The following F11 variants were observed in gnomAD, a reference collection of about 807,000 sequenced individuals.
The protein encoded by F11 is coagulation factor XI.
Under a neutral mutation model 76.5 loss-of-function variants are expected in F11, and 78 were observed. The ratio of observed to expected loss-of-function variants is 1.02; its 90% confidence interval spans 0.85 to 1.23. The LOEUF is 1.23. Ranked by LOEUF, F11 falls within the 50% of genes most tolerant of loss-of-function variation. The pLI, the probability that F11 is intolerant of heterozygous loss-of-function variation, is 0.00. For missense variants in F11, 742 were observed against 771.4 expected, an observed-to-expected ratio of 0.96 and a Z score of 0.45; for synonymous variants, 278 against 276.3, an observed-to-expected ratio of 1.01 and a Z score of -0.06.
At chr4:186,275,003 C>A in intron 5 of F11, 1 of 257,468 alleles carries the variant, frequency 3.9e-6, no homozygotes, top group South Asian at 4.1e-5. Context: ...GCAAACAAAG[C>A]ATCAACGAGT....
chr4:186,268,637 A>G (rs528336232), intron 2 of F11, among the ~76,000 whole-genome samples: 1 of 152,284 alleles, frequency 6.6e-6, no homozygotes, highest in Non-Finnish European at 1.5e-5. Context: ...TAGAATAATA[A>G]TAAAAAGGGA....
chr4:186,266,778 T>A (rs1218180972), intron 1 of F11, among the ~76,000 whole-genome samples: 1 of 151,796 alleles, frequency 6.6e-6, no homozygotes, highest in African/African-American at 2.4e-5. Context: ...GGAAAAAAAT[T>A]GGGAAAGGAA....
Position 186,289,575 on chromosome 4 carries a change from A to C in F11, c.*961A>C, listed in dbSNP as rs1347821623. On this transcript the variant is annotated 3_prime_UTR_variant, in exon 15 of 15. Coordinates refer to ENST00000403665, the MANE Select transcript of F11 (RefSeq NM_000128.4). ...AGCACTGGGATTTTCTGTTTCGTGC[A>C]AATATTTATCTCATTATTGTTGTGA... Among the ~76,000 whole-genome samples the C allele has an allele frequency of 6.6e-6, 1 of 152,212 alleles. No individual in the cohort carries two copies. The highest frequency in any genetic ancestry group is 6.5e-5 in the Admixed American group (1 of 15,280).
chr4:186,282,549 C>G, intron 10 of F11: 3 of 985,394 alleles, frequency 3.0e-6, no homozygotes, highest in Non-Finnish European at 3.6e-6. Flanking sequence ...ATTCTAAACA[C>G]ATATTTTCAG....
chr4:186,269,949 C>A (rs1019215524), intron 2 of F11, among the ~76,000 whole-genome samples: 1 of 152,128 alleles, frequency 6.6e-6, no homozygotes, highest in African/African-American at 2.4e-5. Flanking sequence ...AAACATAATA[C>A]GTAATAGCGG....
chr4:186,281,947 C>T (rs752530418), intron 10 of F11: 23 of 1,282,008 alleles, frequency 1.8e-5, no homozygotes, highest in Non-Finnish European at 2.4e-5. Context: ...CTTAGAGGCG[C>T]TCCGATGAAA....
At chr4:186,285,975 C>A in intron 12 of F11, 162 bp downstream of exon 12, 1 of 804,640 alleles carries the variant, frequency 1.2e-6, no homozygotes, top group Non-Finnish European at 2.1e-6. Context: ...AAGGCTGACA[C>A]ACTTTCCTGG....
rs1177861034 is a variant in F11, at chr4:186,287,760, A to G, written c.1653A>G (p.Gly551=). 1.2e-6 allele frequency: 2 copies of G among 1,613,666 alleles called. No individual in the cohort carries two copies. Among genetic ancestry groups the G allele is most frequent in the East Asian group, 2.2e-5 (1 of 44,880 alleles). ...TNEECQKRYR[G]HKITHKMICA... ...AAGAGTGCCAGAAGAGATACAGAGG[A>G]CATAAAATAACCCATAAGATGATCT... is the stretch of plus-strand genomic sequence containing the variant. Residue 551 remains glycine (G), a synonymous_variant, in exon 14 of 15, where the codon GGA becomes GGG. Transcript: ENST00000403665.
At chr4:186,287,591 A>T (rs537367311) in intron 13 of F11, 93 bp from the exon 14 acceptor site, 201 of 424,604 alleles carry the variant, frequency 4.7e-4, no homozygotes, top group African/African-American at 3.0e-3. Context: ...CTCAATTAAA[A>T]ATATATATAT....
Position 186,275,785 on chromosome 4 carries a change from A to G in F11, c.486-2A>G, listed in dbSNP as rs1057516695. ...ACACTTTTCCTTTTTCTTTTTATTC[A>G]GTAACATTTGTCTACTGAAGCACAC... On this transcript the variant is annotated splice_acceptor_variant, in intron 5 of 14. Coordinates refer to ENST00000403665, the MANE Select transcript of F11 (RefSeq NM_000128.4). LOFTEE classifies it high-confidence loss of function. The G allele has an allele frequency of 1.2e-6, 2 of 1,605,612 alleles. No homozygotes were observed. Among genetic ancestry groups the G allele is most frequent in the South Asian group, 2.2e-5 (2 of 90,510 alleles).
At chr4:186,275,720 A>G in intron 5 of F11, 67 bp from the exon 6 acceptor site, 1 of 1,195,436 alleles carries the variant, frequency 8.4e-7, no homozygotes, top group Non-Finnish European at 1.2e-6. Flanking sequence ...GACTTTCTTA[A>G]TATCTCATGT....
intron 7 of F11, among the ~76,000 whole-genome samples, chr4:186,277,396 A>AT (rs373724074): frequency 1.1e-4 from 17 of 151,344 alleles, no homozygotes; most frequent in South Asian, 2.1e-4. Context: ...TTGTGACATG[A>AT]TTTTTTTTTC....
At chr4:186,270,041 T>G (rs1739816786) in intron 2 of F11, among the ~76,000 whole-genome samples, 1 of 152,172 alleles carries the variant, frequency 6.6e-6, no homozygotes, top group African/African-American at 2.4e-5. Flanking sequence ...CTGGAGGTAC[T>G]CGTTGGTGCG....
intron 5 of F11, 34 bp downstream of exon 5, chr4:186,274,309 G>A: frequency 6.2e-7 from 1 of 1,613,940 alleles, no homozygotes; most frequent in African/African-American, 1.3e-5. Context: ...AGTGGTCGAT[G>A]AAAAACAGAA....
intron 7 of F11, among the ~76,000 whole-genome samples, chr4:186,279,441 C>T (rs1183200564): frequency 6.6e-6 from 1 of 152,174 alleles, no homozygotes. Context: ...GTGTTAGCCA[C>T]ATTTCAAGTG....
At chr4:186,269,867 GA>G (rs1324361487) in intron 2 of F11, among the ~76,000 whole-genome samples, 1 of 152,132 alleles carries the variant, frequency 6.6e-6, no homozygotes, top group Non-Finnish European at 1.5e-5. Flanking sequence ...GGAAATGGAA[GA>G]GAACTTTCAT....
intron 7 of F11, among the ~76,000 whole-genome samples, chr4:186,277,021 T>G (rs1740439551): frequency 6.6e-6 from 1 of 152,066 alleles, no homozygotes; most frequent in South Asian, 2.1e-4. Flanking sequence ...TATACATTAT[T>G]CCCATTAGAT....
intron 2 of F11, among the ~76,000 whole-genome samples, chr4:186,268,960 A>G (rs1320019291): frequency 6.6e-6 from 1 of 152,228 alleles, no homozygotes; most frequent in Admixed American, 6.5e-5. Flanking sequence ...GAAGACACAC[A>G]TATTTGAGAG....
At chr4:186,282,048 C>G in intron 10 of F11, 1 of 1,249,498 alleles carries the variant, frequency 8.0e-7, no homozygotes, top group Non-Finnish European at 1.1e-6. Flanking sequence ...TTCCCTAAGA[C>G]AAGAAGGAGC....
Sources: gnomAD v4.1 joint callset for allele counts (sites outside exome capture counted in the v4.1 genomes callset) on GRCh38, gnomAD v4.1.1 for gene constraint, MANE v1.5 for transcripts, NCBI Gene and HGNC (gene_info 2026-07-23, HGNC 2026-07-21) for gene names.